UPP2: variants seen among roughly 807,000 people sequenced by gnomAD.
UPP2 encodes the protein uridine phosphorylase 2.
In UPP2, 23 loss-of-function variants were observed where a neutral mutation model predicts 26.7. The ratio of observed to expected loss-of-function variants is 0.86; its 90% CI spans 0.62 to 1.22. The LOEUF is 1.22. UPP2 is among the 50% of genes most tolerant of loss of function. The pLI is 0.00. For synonymous variants in UPP2, 127 were observed against 141.3 expected (o/e 0.90, Z 0.72); for missense variants, 387 against 396.7 (o/e 0.98, Z 0.21).
At chr2:158,024,456 G>C (rs1248585609) in intron 3 of UPP2, among the ~76,000 whole-genome samples, 1 of 152,132 alleles carries the variant, frequency 6.6e-6, no homozygotes, top group Admixed American at 6.5e-5. Flanking sequence ...CCAACGCCTG[G>C]GAAAAATCAG....
intron 6 of UPP2, chr2:158,133,909 A>C (rs960760101): frequency 6.6e-6 from 1 of 152,250 alleles, no homozygotes; most frequent in Non-Finnish European, 1.5e-5. Context: ...GCTAACACTG[A>C]TTTCAATGTG....
intron 3 of UPP2, among the ~76,000 whole-genome samples, chr2:158,039,939 T>C (rs964114875): frequency 6.6e-6 from 1 of 152,208 alleles, no homozygotes; most frequent in African/African-American, 2.4e-5. Flanking sequence ...TGTTAAGCCA[T>C]TTGCTTGTGT....
chr2:158,115,693 G>T (rs1164659408), intron 3 of UPP2, among the ~76,000 whole-genome samples: 2 of 152,182 alleles, frequency 1.3e-5, no homozygotes, highest in African/African-American at 4.8e-5. Flanking sequence ...TTTCTACTGA[G>T]CTCTTGTAAA....
intron 3 of UPP2, among the ~76,000 whole-genome samples, chr2:158,115,738 T>G (rs771182778): frequency 1.3e-5 from 2 of 152,222 alleles, no homozygotes; most frequent in Non-Finnish European, 2.9e-5. Context: ...TGAACAGTTA[T>G]GGAAGCACAC....
intron 3 of UPP2, among the ~76,000 whole-genome samples, chr2:158,024,049 A>G (rs543503395): frequency 6.6e-6 from 1 of 152,284 alleles, no homozygotes; most frequent in South Asian, 2.1e-4. Flanking sequence ...TTAAAAATTC[A>G]CCTGAGAAAT....
chr2:158,012,850 A>T (rs1683602168), intron 2 of UPP2, among the ~76,000 whole-genome samples: 1 of 152,168 alleles, frequency 6.6e-6, no homozygotes, highest in Non-Finnish European at 1.5e-5. Flanking sequence ...TTACAAAGAC[A>T]CTTTAATAAT....
At chr2:158,126,511 A>T (rs540972897) in intron 6 of UPP2, 40 of 152,284 alleles carry the variant, frequency 2.6e-4, no homozygotes, top group African/African-American at 8.9e-4. Flanking sequence ...GATTCCTGGT[A>T]TGCTGTCCCC....
chr2:158,068,779 T>C (rs1268646848), intron 3 of UPP2, among the ~76,000 whole-genome samples: 3 of 7,992 alleles, frequency 3.8e-4, no homozygotes, highest in African/African-American at 1.4e-3. Context: ...TATATATATA[T>C]ATATATATAT....
intron 3 of UPP2, among the ~76,000 whole-genome samples, chr2:158,048,107 A>G (rs1455109233): frequency 6.6e-6 from 1 of 152,198 alleles, no homozygotes; most frequent in Non-Finnish European, 1.5e-5. Flanking sequence ...CAAGCACCTA[A>G]TCTATAAGGG....
At chr2:158,009,649 C>G (rs185117598) in intron 2 of UPP2, among the ~76,000 whole-genome samples, 264 of 152,332 alleles carry the variant, frequency 1.7e-3, no homozygotes, top group Non-Finnish European at 2.9e-3. Context: ...CATTTCTCAA[C>G]AGAAGGCTCC....
chr2:158,007,923 C>A (rs1020004865), intron 2 of UPP2, among the ~76,000 whole-genome samples: 1 of 152,164 alleles, frequency 6.6e-6, no homozygotes, highest in Non-Finnish European at 1.5e-5. Context: ...CCGTGCCTGG[C>A]TTTTCATGTA....
chr2:158,051,143 G>A (rs567567687), intron 3 of UPP2, among the ~76,000 whole-genome samples: 1 of 145,096 alleles, frequency 6.9e-6, no homozygotes, highest in South Asian at 2.2e-4. Context: ...ATCATTGAGG[G>A]TCACTCTAGG....
chr2:158,034,317 A>C (rs932434185), intron 3 of UPP2, among the ~76,000 whole-genome samples: 6 of 152,320 alleles, frequency 3.9e-5, no homozygotes, highest in Admixed American at 2.6e-4. Context: ...TCCGCAGGGC[A>C]GGGAAAGCTC....
At chr2:158,009,450 A>G (rs1271680153) in intron 2 of UPP2, among the ~76,000 whole-genome samples, 2 of 152,230 alleles carry the variant, frequency 1.3e-5, no homozygotes, top group African/African-American at 4.8e-5. Context: ...GCCAAACATA[A>G]TGATTTTACA....
intron 3 of UPP2, among the ~76,000 whole-genome samples, chr2:158,075,294 G>C (rs1183157806): frequency 6.6e-6 from 1 of 151,852 alleles, no homozygotes; most frequent in Non-Finnish European, 1.5e-5. Context: ...ATTTATATTA[G>C]GGAATAGTAT....
chr2:158,098,819 G>C (rs1683027519), upstream of UPP2, among the ~76,000 whole-genome samples: 2 of 152,124 alleles, frequency 1.3e-5, no homozygotes, highest in Non-Finnish European at 2.9e-5. Context: ...CTTCCAGGAG[G>C]GTGCGTATAC....
At chr2:158,022,038 T>G (rs924274466) in intron 3 of UPP2, among the ~76,000 whole-genome samples, 1 of 152,024 alleles carries the variant, frequency 6.6e-6, no homozygotes, top group African/African-American at 2.4e-5. Flanking sequence ...GTCAGCAGTT[T>G]TTTTTTTTTT....
At chr2:158,046,821 T>G (rs563894645) in intron 3 of UPP2, among the ~76,000 whole-genome samples, 1 of 152,342 alleles carries the variant, frequency 6.6e-6, no homozygotes, top group African/African-American at 2.4e-5. Flanking sequence ...GTAAGTTTCA[T>G]CTCTTTTCCT....
At chr2:158,126,644 A>C (rs1222289557) in intron 6 of UPP2, 2 of 152,248 alleles carry the variant, frequency 1.3e-5, no homozygotes, top group African/African-American at 4.8e-5. Context: ...GGAAGCTGGC[A>C]TCTGGCACCT....
Sources: allele counts gnomAD v4.1 joint callset (sites outside exome capture counted in the v4.1 genomes callset), GRCh38; gene constraint gnomAD v4.1.1; transcripts MANE v1.5; gene names NCBI Gene and HGNC (gene_info 2026-07-23, HGNC 2026-07-21).